The following IL18RAP variants were observed in gnomAD, a reference collection of about 807,000 sequenced individuals.
The protein encoded by IL18RAP is interleukin 18 receptor accessory protein.
A neutral mutation model predicts 58.1 loss-of-function variants in IL18RAP; 37 were observed. The observed-to-expected ratio is 0.64, with a 90% confidence interval of 0.49 to 0.84. The LOEUF is 0.84. Ranked by LOEUF, IL18RAP falls within the 40% of genes least tolerant of loss-of-function variation. IL18RAP has a pLI of 0.00. For synonymous variants in IL18RAP, 268 were observed against 257.5 expected (o/e 1.04, Z -0.39); for missense variants, 667 against 704.8 (o/e 0.95, Z 0.61).
chr2:102,450,039 T>A (rs929444813), intron 8 of IL18RAP, among the ~76,000 whole-genome samples: 1 of 152,174 alleles, frequency 6.6e-6, no homozygotes, highest in African/African-American at 2.4e-5. Flanking sequence ...CAATCAGGGC[T>A]ACTGTTTACC....
chr2:102,434,229 G>A (rs1682584695), intron 3 of IL18RAP: 1 of 152,098 alleles, frequency 6.6e-6, no homozygotes, highest in Non-Finnish European at 1.5e-5. Context: ...ACAGAATATT[G>A]CCACAGCCCC....
At chr2:102,441,075 G>T (rs551358380) in intron 4 of IL18RAP, among the ~76,000 whole-genome samples, 9 of 152,294 alleles carry the variant, frequency 5.9e-5, no homozygotes, top group Admixed American at 5.9e-4. Flanking sequence ...CACACAAGCA[G>T]ATATGGATCA....
At chr2:102,450,791 T>G in intron 8 of IL18RAP, 57 bp from the exon 9 acceptor site, 1 of 1,150,892 alleles carries the variant, frequency 8.7e-7, no homozygotes, top group Non-Finnish European at 1.2e-6. Flanking sequence ...ATGTGTACCA[T>G]AACAGTAAAA....
chr2:102,432,402 C>T (rs757416432), intron 3 of IL18RAP: 1 of 154,274 alleles, frequency 6.5e-6, no homozygotes, highest in African/African-American at 2.4e-5. Context: ...TCACCCACAA[C>T]ATGAAGGAAT....
At position 102,450,984 on chromosome 2, in the gene IL18RAP, C is replaced by T. The variant is rs1234542954; in HGVS notation, c.1347C>T (p.Ser449=). The T allele has an allele frequency of 5.0e-6, 8 of 1,606,590 alleles. No individual in the cohort carries two copies. Among genetic ancestry groups the T allele is most frequent in the Non-Finnish European group, 6.8e-6 (8 of 1,177,308 alleles). The change falls in exon 9 of 10, where the codon AGC becomes AGT. Residue 449 remains serine, a synonymous_variant. Transcript: ENST00000687160. The part of the protein sequence containing the change: ...PDVLENKYGY[S]LCLLERDVAP... ...TTTTAGAAAACAAATATGGATATAG[C>T]CTGTGTTTGCTTGAAAGAGATGTGG...
In IL18RAP at chr2:102,423,194, C is replaced by T; in HGVS notation, c.-84C>T. 5 of 1,228,968 alleles carry T rather than the reference C, an allele frequency of 4.1e-6. No homozygotes were observed. Among genetic ancestry groups the T allele is most frequent in the Non-Finnish European group, 6.0e-6 (5 of 831,668 alleles). The allele number at this position is 1,228,968 out of a possible 1,614,324, so 76.1% of individuals were successfully genotyped here. On this transcript the variant is annotated 5_prime_UTR_variant, in exon 1 of 10. Coordinates refer to ENST00000687160, the MANE Select transcript of IL18RAP (RefSeq NM_001393487.1). ...GATTTACAGAAATGAAGGGGATACT[C>T]AGGGCAGAGTTCTGAATCTCAAAAC... is the stretch of plus-strand genomic sequence containing the variant.
At chr2:102,439,000 A>G (rs1176384055) in intron 4 of IL18RAP, 1 of 152,364 alleles carries the variant, frequency 6.6e-6, no homozygotes, top group East Asian at 1.9e-4. Flanking sequence ...GGGAGCTTCC[A>G]TTCCAGACTG....
rs759213993 is a variant in IL18RAP, at chr2:102,443,246, G to T, written c.843G>T (p.Arg281Ser). 6 of 1,613,726 alleles carry T rather than the reference G, an allele frequency of 3.7e-6. No individual in the cohort carries two copies. In the South Asian group the frequency reaches 5.5e-5, roughly 15 times the overall value. ...GCAAAGCACGATTTGGCTTTGAAAG[G>T]GTCTTTAACCCTGTCATAAAATGGT... The part of the protein sequence containing the change: ...ISCKARFGFE[R>S]VFNPVIKWYI... Residue 281 changes from arginine (R) to serine (S), a missense_variant, in exon 6 of 10, where the codon AGG becomes AGT. Physicochemically the swap from Arg to Ser is moderately radical, Grantham distance 110. Transcript: ENST00000687160.
chr2:102,451,748 C>T lies in IL18RAP; in HGVS notation c.1385-18C>T. On this transcript the variant is annotated intron_variant, in intron 9 of 9. Coordinates refer to ENST00000687160, the MANE Select transcript of IL18RAP (RefSeq NM_001393487.1). ...TTTAACAATATCCATTGCAAATAATCAAATGTTTTATTTCCAGTGTATGCA... is the reference window on the plus strand; with the variant it reads ...TTTAACAATATCCATTGCAAATAATTAAATGTTTTATTTCCAGTGTATGCA... 6.3e-7 allele frequency: 1 copy of T among 1,585,696 alleles called. No homozygotes were observed. Among genetic ancestry groups the T allele is most frequent in the Non-Finnish European group, 8.6e-7 (1 of 1,162,814 alleles).
At chr2:102,422,538 G>A (rs1681640754), upstream of IL18RAP, among the ~76,000 whole-genome samples, 1 of 152,116 alleles carries the variant, frequency 6.6e-6, no homozygotes. Context: ...GGATCCCCAA[G>A]ATATTTCAAG....
At chr2:102,431,075 G>A (rs1250496047) in intron 3 of IL18RAP, among the ~76,000 whole-genome samples, 1 of 152,102 alleles carries the variant, frequency 6.6e-6, no homozygotes, top group Non-Finnish European at 1.5e-5. Context: ...ATTCATTTCA[G>A]TTTAAATAAT....
chr2:102,444,127 A>T (rs1208804629), intron 6 of IL18RAP, among the ~76,000 whole-genome samples: 1 of 152,248 alleles, frequency 6.6e-6, no homozygotes, highest in Non-Finnish European at 1.5e-5. Flanking sequence ...TTCTTCTGAT[A>T]CTTAACAGAT....
chr2:102,449,400 G>A (rs1683626845), intron 8 of IL18RAP, among the ~76,000 whole-genome samples: 1 of 152,170 alleles, frequency 6.6e-6, no homozygotes, highest in Non-Finnish European at 1.5e-5. Flanking sequence ...AGCAAATTAT[G>A]TAATCAAGGT....
intron 8 of IL18RAP, among the ~76,000 whole-genome samples, chr2:102,448,024 G>A (rs553446195): frequency 2.0e-4 from 31 of 152,232 alleles, no homozygotes; most frequent in African/African-American, 6.5e-4. Flanking sequence ...GTGAGCCACC[G>A]TGCCCAGCCA....
chr2:102,445,251 A>G lies in IL18RAP; in HGVS notation c.983A>G (p.Gln328Arg). The G allele has an allele frequency of 6.2e-7, 1 of 1,614,146 alleles. No homozygotes were observed. The highest frequency in any genetic ancestry group is 8.5e-7 in the Non-Finnish European group (1 of 1,179,974). Residue 328 changes from glutamine (Q) to arginine (R), a missense_variant, in exon 7 of 10, where the codon CAG becomes CGG. Gln to Arg is a conservative substitution (Grantham distance 43). Coordinates refer to ENST00000687160, the MANE Select transcript of IL18RAP (RefSeq NM_001393487.1). ...AATATCATCTTGGAAAAAGTCACTC[A>G]GCGTGATCTTCGCAGGAAGTTTGTT... is the stretch of plus-strand genomic sequence containing the variant. Reference protein sequence around the residue: ...ERNIILEKVTQRDLRRKFVCF... With the variant: ...ERNIILEKVTRRDLRRKFVCF...
At chr2:102,426,131 C>A (rs1681922313) in intron 3 of IL18RAP, among the ~76,000 whole-genome samples, 1 of 152,112 alleles carries the variant, frequency 6.6e-6, no homozygotes, top group Non-Finnish European at 1.5e-5. Flanking sequence ...TAGTACATCA[C>A]TAAAAGTGAT....
intron 3 of IL18RAP, chr2:102,435,321 G>A (rs141408134): frequency 0.018 from 2,756 of 152,316 alleles, 56 homozygotes; most frequent in Non-Finnish European, 0.022. Context: ...GAAACAGAAA[G>A]AAGGTGGCAG....
Position 102,451,946 on chromosome 2 carries a change from C to T in IL18RAP, c.1565C>T (p.Ser522Phe). 1 of 1,614,198 alleles carries T rather than the reference C, an allele frequency of 6.2e-7. No homozygotes were observed. Among genetic ancestry groups the T allele is most frequent in the Non-Finnish European group, 8.5e-7 (1 of 1,180,022 alleles). The change falls in exon 10 of 10, where the codon TCT (serine) becomes TTT (phenylalanine). Residue 522 changes from serine to phenylalanine, a missense_variant. Ser to Phe is a radical substitution (Grantham distance 155). Transcript: ENST00000687160. ...IKFCYFQEPE[S>F]LPHLVKKALR... ...TTCTGTTACTTCCAAGAGCCAGAGT[C>T]TCTACCTCATCTCGTGAAAAAAGCT...
chr2:102,437,848 C>T (rs1381506873), intron 4 of IL18RAP, among the ~76,000 whole-genome samples: 1 of 151,978 alleles, frequency 6.6e-6, no homozygotes, highest in East Asian at 1.9e-4. Flanking sequence ...TGTTTTTATG[C>T]TTTTTCTACA....
Sources: allele counts gnomAD v4.1 joint callset (sites outside exome capture counted in the v4.1 genomes callset), GRCh38; gene constraint gnomAD v4.1.1; transcripts MANE v1.5; gene names NCBI Gene and HGNC (gene_info 2026-07-23, HGNC 2026-07-21).